Variants in ST6GALNAC3 observed in about 807,000 individuals in gnomAD.
ST6GALNAC3 encodes ST6 N-acetylgalactosaminide alpha-2,6-sialyltransferase 3.
A neutral mutation model predicts 32.7 loss-of-function variants in ST6GALNAC3; 25 were observed. The observed-to-expected ratio is 0.76, with a 90% CI of 0.56 to 1.07. The LOEUF is 1.07. Ranked by LOEUF, ST6GALNAC3 falls within the 50% of genes least tolerant of loss-of-function variation. The pLI is 0.00. For synonymous variants in ST6GALNAC3, 129 were observed against 133.1 expected, an observed-to-expected ratio of 0.97 and a Z score of 0.21; for missense variants, 355 against 382.4, an observed-to-expected ratio of 0.93 and a Z score of 0.60.
chr1:76,207,596 C>T (rs368337233), intron 1 of ST6GALNAC3, among the ~76,000 whole-genome samples: 2 of 152,146 alleles, frequency 1.3e-5, no homozygotes, highest in African/African-American at 2.4e-5. Context: ...GGGACTGACC[C>T]CACTTTGTCG....
At chr1:76,400,638 G>A (rs1653336437) in intron 2 of ST6GALNAC3, among the ~76,000 whole-genome samples, 1 of 152,154 alleles carries the variant, frequency 6.6e-6, no homozygotes, top group Admixed American at 6.5e-5. Context: ...TGAAATCCCA[G>A]CACTTTGGGA....
At chr1:76,543,682 C>T (rs568549937) in intron 3 of ST6GALNAC3, among the ~76,000 whole-genome samples, 66 of 152,210 alleles carry the variant, frequency 4.3e-4, no homozygotes, top group African/African-American at 1.5e-3. Context: ...AGAACTCGCC[C>T]ACATTAGCTG....
chr1:76,302,314 T>C (rs1660775117), intron 1 of ST6GALNAC3, among the ~76,000 whole-genome samples: 2 of 152,018 alleles, frequency 1.3e-5, no homozygotes, highest in South Asian at 4.1e-4. Flanking sequence ...TTTCGCACTG[T>C]CAGTATGAAC....
Position 76,629,548 on chromosome 1 carries a change from T to C in ST6GALNAC3, c.*742T>C. On this transcript the variant is annotated 3_prime_UTR_variant, in exon 5 of 5. Transcript: ENST00000328299. ...AACTGAACATGTGATTAGAATGATCTATATTAATGTTTAGTTATTTTTGGT... is the reference window on the plus strand; with the variant it reads ...AACTGAACATGTGATTAGAATGATCCATATTAATGTTTAGTTATTTTTGGT... 1.0e-6 allele frequency: 1 copy of C among 984,902 alleles called. No homozygotes were observed. The highest frequency in any genetic ancestry group is 1.2e-6 in the Non-Finnish European group (1 of 829,138). 61.0% of individuals were successfully genotyped at this position (984,902 alleles called of 1,614,324 possible).
Position 76,628,715 on chromosome 1 carries a change from G to A in ST6GALNAC3, c.827G>A (p.Gly276Asp), listed in dbSNP as rs1325437994. The part of the protein sequence containing the change: ...YFLHEHAPYG[G>D]HRFITEKKVF... ...CTTCATGAACATGCCCCATATGGGG[G>A]TCATAGGTTTATCACTGAAAAGAAA... The change falls in exon 5 of 5, where the codon GGT becomes GAT. Residue 276 changes from glycine to aspartate, a missense_variant. Gly to Asp is a moderately conservative substitution (Grantham distance 94). Transcript: ENST00000328299. The A allele has an allele frequency of 1.9e-6, 3 of 1,612,482 alleles. No individual in the cohort carries two copies. The highest frequency in any genetic ancestry group is 2.5e-6 in the Non-Finnish European group (3 of 1,179,068).
At chr1:76,636,503 T>A (rs1244898214), downstream of ST6GALNAC3, among the ~76,000 whole-genome samples, 3 of 152,222 alleles carry the variant, frequency 2.0e-5, no homozygotes, top group Admixed American at 2.0e-4. Flanking sequence ...CCATCTTTTT[T>A]ATTTAACATT....
intron 2 of ST6GALNAC3, among the ~76,000 whole-genome samples, chr1:76,403,005 A>G (rs1653547521): frequency 6.6e-6 from 1 of 151,936 alleles, no homozygotes; most frequent in African/African-American, 2.4e-5. Flanking sequence ...CTCTCAAACT[A>G]TAAGCCCTTA....
intron 1 of ST6GALNAC3, among the ~76,000 whole-genome samples, chr1:76,240,609 C>T (rs1656906007): frequency 6.6e-6 from 1 of 152,190 alleles, no homozygotes; most frequent in African/African-American, 2.4e-5. Context: ...CTTCCAGACA[C>T]CTGGGATGGG....
At chr1:76,620,642 C>T (rs565084716) in intron 3 of ST6GALNAC3, among the ~76,000 whole-genome samples, 58 of 152,060 alleles carry the variant, frequency 3.8e-4, no homozygotes, top group African/African-American at 1.2e-3. Context: ...ATCTTATCCC[C>T]GTAATCTCAT....
chr1:76,558,405 A>G (rs1014265908), intron 3 of ST6GALNAC3, among the ~76,000 whole-genome samples: 2 of 152,208 alleles, frequency 1.3e-5, no homozygotes, highest in African/African-American at 4.8e-5. Flanking sequence ...AATACTAAGC[A>G]GCCATAAAAA....
chr1:76,278,741 G>C (rs1048967468), intron 1 of ST6GALNAC3, among the ~76,000 whole-genome samples: 1 of 152,058 alleles, frequency 6.6e-6, no homozygotes, highest in Non-Finnish European at 1.5e-5. Context: ...TCACCACAAC[G>C]TTCGAAGTTA....
chr1:76,202,755 A>AAGTCATCTGT (rs971312043), intron 1 of ST6GALNAC3, among the ~76,000 whole-genome samples: 1 of 152,164 alleles, frequency 6.6e-6, no homozygotes, highest in African/African-American at 2.4e-5. Flanking sequence ...AAATGCAAGC[A>AAGTCATCTGT]AGTCATCTGT....
At chr1:76,582,698 G>A (rs1199119646) in intron 3 of ST6GALNAC3, among the ~76,000 whole-genome samples, 5 of 151,908 alleles carry the variant, frequency 3.3e-5, no homozygotes, top group East Asian at 1.9e-4. Context: ...TTTCTCAAGC[G>A]GAACAAAAAT....
intron 1 of ST6GALNAC3, among the ~76,000 whole-genome samples, chr1:76,235,799 C>T (rs1656622476): frequency 1.3e-5 from 2 of 148,892 alleles, no homozygotes; most frequent in Admixed American, 1.3e-4. Flanking sequence ...TGTTTTCTTT[C>T]TCAGGGCTCC....
chr1:76,131,733 T>C (rs1649623219), intron 1 of ST6GALNAC3, among the ~76,000 whole-genome samples: 1 of 152,180 alleles, frequency 6.6e-6, no homozygotes. Context: ...TAATTTATTC[T>C]TGTATTAAAA....
rs1347134168 is a variant in ST6GALNAC3, at chr1:76,292,467, C to A, written c.19-21338C>A. 2.0e-5 allele frequency among the ~76,000 whole-genome samples: 3 copies of A among 152,050 alleles called. No homozygotes were observed. The East Asian group carries it at 5.8e-4, about 29-fold the overall frequency. On this transcript the variant is annotated intron_variant, in intron 1 of 4. Transcript: ENST00000328299. ...AATGAACCAACTGGTAACCATGAGT[C>A]CTCTTTTTAAAATATAAGTTCTCTT...
chr1:76,629,516 A>G lies in ST6GALNAC3; in HGVS notation c.*710A>G. 1 of 984,894 alleles carries G rather than the reference A, an allele frequency of 1.0e-6. No homozygotes were observed. The highest frequency in any genetic ancestry group is 1.7e-5 in the African/African-American group (1 of 57,272). 61.0% of individuals were successfully genotyped at this position (984,894 alleles called of 1,614,324 possible). The stretch of plus-strand genomic sequence containing the variant: ...CTCTTACCATCCATTCTTACTACCA[A>G]CAGTATAACTGAACATGTGATTAGA... On this transcript the variant is annotated 3_prime_UTR_variant, in exon 5 of 5. Transcript: ENST00000328299.
At chr1:76,138,933 A>G (rs1047346325) in intron 1 of ST6GALNAC3, among the ~76,000 whole-genome samples, 18 of 152,106 alleles carry the variant, frequency 1.2e-4, no homozygotes, top group South Asian at 2.1e-4. Context: ...AGTGGCTCAC[A>G]CCTGTAATCC....
At chr1:76,537,599 C>A (rs898740378) in intron 3 of ST6GALNAC3, among the ~76,000 whole-genome samples, 2 of 151,952 alleles carry the variant, frequency 1.3e-5, no homozygotes, top group Non-Finnish European at 2.9e-5. Flanking sequence ...AGAGAAGAAT[C>A]AAATAAATAA....
Sources: gnomAD v4.1 joint callset for allele counts (sites outside exome capture counted in the v4.1 genomes callset) on GRCh38, gnomAD v4.1.1 for gene constraint, MANE v1.5 for transcripts, NCBI Gene and HGNC (gene_info 2026-07-23, HGNC 2026-07-21) for gene names.